Variants in MYCBP2 observed in about 807,000 individuals in gnomAD.
MYCBP2 encodes MYC binding protein 2, also known as E3 ubiquitin-protein ligase MYCBP2.
In MYCBP2, 120 loss-of-function variants were observed where a neutral mutation model predicts 525.3. That is an observed-to-expected ratio of 0.23 (90% CI 0.20 to 0.27). The LOEUF (loss-of-function observed/expected upper bound fraction) is 0.27, where lower values mean the gene tolerates loss of function less well. Among genes scored for constraint, MYCBP2 ranks in the 10% least tolerant of loss-of-function variants. MYCBP2 has a pLI of 1.00. For synonymous variants in MYCBP2, 1,894 were observed against 1,955.8 expected (o/e 0.97, Z 0.83); for missense variants, 4,149 against 5,657.1 (o/e 0.73, Z 8.55).
chr13:77,216,080 C>A (rs1344073397), intron 21 of MYCBP2, among the ~76,000 whole-genome samples: 4 of 152,046 alleles, frequency 2.6e-5, no homozygotes, highest in Non-Finnish European at 4.4e-5. Flanking sequence ...AAACCCTGAA[C>A]AACTTGTTAT....
intron 20 of MYCBP2, among the ~76,000 whole-genome samples, chr13:77,222,341 T>G (rs994638673): frequency 6.6e-6 from 1 of 152,252 alleles, no homozygotes; most frequent in Non-Finnish European, 1.5e-5. Context: ...TAAATATTTA[T>G]GATTGTGATA....
rs1322523683 is a variant in MYCBP2, at chr13:77,098,309, T to C, written c.8845A>G (p.Ser2949Gly). Residue 2949 changes from serine to glycine, a missense_variant, in exon 56 of 83, where the codon AGC becomes GGC. This residue lies in a region of MYCBP2 where 653 missense variants were observed against 744.7 expected (regional missense o/e 0.88). Transcript: ENST00000544440. Reference protein sequence around the residue: ...STLKTNSLTDSTCDDSSEFKS... With the variant: ...STLKTNSLTDGTCDDSSEFKS... ...AATTCACTGCTGTCATCGCAGGTGC[T>C]GTCTGTTAGACTATTTGTTTTTAAA... 4.3e-6 allele frequency: 7 copies of C among 1,611,626 alleles called. No individual in the cohort carries two copies. Among genetic ancestry groups the C allele is most frequent in the Non-Finnish European group, 5.9e-6 (7 of 1,179,800 alleles).
At chr13:77,246,885 T>C (rs139454502) in intron 15 of MYCBP2, among the ~76,000 whole-genome samples, 124 of 152,212 alleles carry the variant, frequency 8.1e-4, no homozygotes, top group Admixed American at 1.9e-3. Context: ...ATCATCTCAA[T>C]TGATGTACAA....
intron 43 of MYCBP2, among the ~76,000 whole-genome samples, chr13:77,162,545 C>A (rs926255396): frequency 6.6e-6 from 1 of 152,014 alleles, no homozygotes; most frequent in Non-Finnish European, 1.5e-5. Context: ...AACCTCTAAC[C>A]AGTGCCGTGC....
intron 20 of MYCBP2, among the ~76,000 whole-genome samples, chr13:77,224,243 A>G (rs746282897): frequency 7.9e-5 from 12 of 152,186 alleles, no homozygotes; most frequent in Non-Finnish European, 1.8e-4. Flanking sequence ...TTCTCCTGAA[A>G]CTACAAAATC....
intron 55 of MYCBP2, among the ~76,000 whole-genome samples, chr13:77,108,899 T>G (rs1372481529): frequency 1.3e-5 from 2 of 152,114 alleles, no homozygotes; most frequent in African/African-American, 4.8e-5. Context: ...GAGACGGGGT[T>G]TCACTGTGTT....
At chr13:77,207,599 A>G (rs2063497742) in intron 23 of MYCBP2, among the ~76,000 whole-genome samples, 1 of 152,174 alleles carries the variant, frequency 6.6e-6, no homozygotes, top group African/African-American at 2.4e-5. Context: ...TAAATTTTAT[A>G]CTGTTTTTTT....
intron 14 of MYCBP2, among the ~76,000 whole-genome samples, chr13:77,254,176 T>G (rs1298573191): frequency 6.6e-6 from 1 of 151,832 alleles, no homozygotes; most frequent in Non-Finnish European, 1.5e-5. Flanking sequence ...CATAAAACAG[T>G]AGTATATTTT....
chr13:77,118,293 A>G (rs746093747), intron 55 of MYCBP2: 68 of 704,284 alleles, frequency 9.7e-5, no homozygotes, highest in Non-Finnish European at 1.6e-4. Context: ...AACTCAGAAC[A>G]AAGCTTCAGA....
At chr13:77,181,651 C>T in intron 33 of MYCBP2, 50 bp downstream of exon 33, 1 of 1,466,696 alleles carries the variant, frequency 6.8e-7, no homozygotes, top group Non-Finnish European at 9.5e-7. Context: ...TAAATAAAAC[C>T]ATTTAGAGTT....
At chr13:77,054,914 A>G (rs551752745) in intron 80 of MYCBP2, among the ~76,000 whole-genome samples, 1 of 152,248 alleles carries the variant, frequency 6.6e-6, no homozygotes, top group South Asian at 2.1e-4. Flanking sequence ...ATTGATGAAT[A>G]TAATACCTGA....
At position 77,273,568 on chromosome 13, in the gene MYCBP2, A is replaced by G. The variant is rs1461422504; in HGVS notation, c.849T>C (p.Phe283=). The G allele has an allele frequency of 6.2e-7, 1 of 1,613,886 alleles. No individual in the cohort carries two copies. Among genetic ancestry groups the G allele is most frequent in the Admixed American group, 1.7e-5 (1 of 59,952 alleles). Residue 283 remains phenylalanine (F), a synonymous_variant, in exon 5 of 83, where the codon TTT becomes TTC. Coordinates refer to ENST00000544440, the MANE Select transcript of MYCBP2 (RefSeq NM_015057.5). ...TTTCTCCCCAAGAAGCCACCAGACTAAAGAGGCAAGCACAGGAAAGTGCTG... is the reference window on the plus strand; with the variant it reads ...TTTCTCCCCAAGAAGCCACCAGACTGAAGAGGCAAGCACAGGAAAGTGCTG... The part of the protein sequence containing the change: ...SLTALSCACL[F]SLVASWGETG...
rs1237606942 is a variant in MYCBP2, at chr13:77,135,958, C to T, written c.7659+3238G>A. Among the ~76,000 whole-genome samples the T allele has an allele frequency of 2.0e-5, 3 of 152,114 alleles. No individual in the cohort carries two copies. The East Asian group carries it at 5.8e-4, about 29-fold the overall frequency. On this transcript the variant is annotated intron_variant, in intron 52 of 82. Coordinates refer to ENST00000544440, the MANE Select transcript of MYCBP2 (RefSeq NM_015057.5). ...TTCAAGCAATTCTCTGCCTCAGCCT[C>T]CTGAGTAGCTGGGACTATAGGCGTC...
intron 78 of MYCBP2, among the ~76,000 whole-genome samples, chr13:77,057,869 C>T (rs767257013): frequency 1.8e-4 from 24 of 135,988 alleles, no homozygotes; most frequent in South Asian, 2.3e-4. Flanking sequence ...GACAGAGTCT[C>T]GCTCTGTCAC....
At chr13:77,309,742 T>C (rs1022407748) in intron 1 of MYCBP2, among the ~76,000 whole-genome samples, 10 of 152,246 alleles carry the variant, frequency 6.6e-5, no homozygotes, top group Admixed American at 3.9e-4. Flanking sequence ...GATCTGCTCC[T>C]TTTCATTCAT....
At chr13:77,076,614 C>A in intron 68 of MYCBP2, 137 bp downstream of exon 68, 1 of 559,430 alleles carries the variant, frequency 1.8e-6, no homozygotes, top group Admixed American at 3.4e-5. Flanking sequence ...ATAGTTCCTT[C>A]ATCTTTCTAA....
intron 32 of MYCBP2, among the ~76,000 whole-genome samples, chr13:77,182,241 A>G (rs117061469): frequency 6.6e-6 from 1 of 152,314 alleles, no homozygotes; most frequent in Non-Finnish European, 1.5e-5. Flanking sequence ...GGAGATGCCA[A>G]AAAGGCCCCA....
intron 82 of MYCBP2, among the ~76,000 whole-genome samples, chr13:77,047,607 A>C (rs1045378004): frequency 6.6e-5 from 10 of 152,162 alleles, no homozygotes; most frequent in Admixed American, 1.3e-4. Context: ...TGGGGAAAAA[A>C]AGTCAAGCTG....
chr13:77,233,274 A>C lies in MYCBP2; in HGVS notation c.2630-11T>G. 1.2e-6 allele frequency: 2 copies of C among 1,600,408 alleles called. No individual in the cohort carries two copies. Among genetic ancestry groups the C allele is most frequent in the Non-Finnish European group, 1.7e-6 (2 of 1,168,184 alleles). Reference sequence around the variant, plus strand: ...CAAATACAAGGGGGCCTGAGGAGAAACATTTTGTATGTGCATAGAAAAACT... The same window carrying C: ...CAAATACAAGGGGGCCTGAGGAGAACCATTTTGTATGTGCATAGAAAAACT... On this transcript the variant is annotated splice_polypyrimidine_tract_variant and intron_variant, in intron 17 of 82. Coordinates refer to ENST00000544440, the MANE Select transcript of MYCBP2 (RefSeq NM_015057.5).
Sources: gnomAD v4.1 joint callset for allele counts (sites outside exome capture counted in the v4.1 genomes callset) on GRCh38, gnomAD v4.1.1 for gene constraint, gnomAD v4.1.1 regional missense constraint, MANE v1.5 for transcripts, NCBI Gene and HGNC (gene_info 2026-07-23, HGNC 2026-07-21) for gene names.